ANKK1: variants seen among roughly 807,000 people sequenced by gnomAD.
ANKK1 encodes the protein ankyrin repeat and protein kinase domain-containing protein 1.
Under a neutral mutation model 37.6 loss-of-function variants are expected in ANKK1, and 37 were observed. The ratio of observed to expected loss-of-function variants is 0.98; its 90% CI spans 0.76 to 1.29. ANKK1 has a LOEUF of 1.29. ANKK1 is among the 50% of genes most tolerant of loss of function. ANKK1 has a pLI of 0.00. For missense variants in ANKK1, 1,019 were observed against 990.6 expected, an observed-to-expected ratio of 1.03 and a Z score of -0.39; for synonymous variants, 415 against 418.7, an observed-to-expected ratio of 0.99 and a Z score of 0.11.
In ANKK1 at chr11:113,393,701, A is replaced by G. The variant is rs534336933; in HGVS notation, c.406A>G (p.Ser136Gly). 3.1e-6 allele frequency: 5 copies of G among 1,613,900 alleles called. No individual in the cohort carries two copies. The highest frequency in any genetic ancestry group is 4.5e-5 in the East Asian group (2 of 44,888). ...ETSLAMNFLHSIKPPLLHLDL... is the reference protein window; with the variant it reads ...ETSLAMNFLHGIKPPLLHLDL... Reference sequence around the variant, plus strand: ...CAGCTTGGCCATGAACTTCCTGCACAGCATTAAGCCGCCTCTGCTCCACCT... The same window carrying G: ...CAGCTTGGCCATGAACTTCCTGCACGGCATTAAGCCGCCTCTGCTCCACCT... Residue 136 changes from serine to glycine, a missense_variant, in exon 2 of 8, where the codon AGC becomes GGC. Physicochemically the swap from Ser to Gly is moderately conservative, Grantham distance 56. Coordinates refer to ENST00000303941, the MANE Select transcript of ANKK1 (RefSeq NM_178510.2).
chr11:113,387,996 C>G lies in ANKK1; in HGVS notation c.112C>G (p.Gln38Glu). The change falls in exon 1 of 8, where the codon CAG becomes GAG. Residue 38 changes from glutamine (Q) to glutamate (E), a missense_variant. Coordinates refer to ENST00000303941, the MANE Select transcript of ANKK1 (RefSeq NM_178510.2). The part of the protein sequence containing the change: ...VASGGFSQVF[Q>E]ARHRRWRTEY... ...CAGCGGCGGCTTCAGCCAGGTGTTCCAGGCGCGGCACAGGCGCTGGCGGAC... is the reference window on the plus strand; with the variant it reads ...CAGCGGCGGCTTCAGCCAGGTGTTCGAGGCGCGGCACAGGCGCTGGCGGAC... The G allele has an allele frequency of 1.3e-6, 2 of 1,570,772 alleles. No homozygotes were observed. Among genetic ancestry groups the G allele is most frequent in the Non-Finnish European group, 1.7e-6 (2 of 1,164,032 alleles).
chr11:113,395,175 C>T lies in ANKK1; in HGVS notation c.632+95C>T, dbSNP rs546909611. ...CTATGGCCCAAAGGGCAGGGCAGTGCGGGCATGAGGTCTGGCCCAAGGCGG... is the reference window on the plus strand; with the variant it reads ...CTATGGCCCAAAGGGCAGGGCAGTGTGGGCATGAGGTCTGGCCCAAGGCGG... On this transcript the variant is annotated intron_variant, in intron 3 of 7. Coordinates refer to ENST00000303941, the MANE Select transcript of ANKK1 (RefSeq NM_178510.2). 7.8e-4 allele frequency: 1,175 copies of T among 1,509,820 alleles called. 1 individual carries two copies. Among genetic ancestry groups the T allele is most frequent in the Non-Finnish European group, 9.8e-4 (1,099 of 1,120,788 alleles). The allele number at this position is 1,509,820 out of a possible 1,614,324, so 93.5% of individuals were successfully genotyped here.
chr11:113,399,130 CGTG>C lies in ANKK1; in HGVS notation c.1163_1165del (p.Val388del). On this transcript the variant is annotated inframe_deletion, in exon 8 of 8. Transcript: ENST00000303941. ...GGTTGCTGCTGGCCCACGAGGTAGA[CGTG>C]GACTGCCAGACGGCCTCTGGATACA... The C allele has an allele frequency of 1.3e-6, 2 of 1,594,260 alleles. No individual in the cohort carries two copies. Among genetic ancestry groups the C allele is most frequent in the Non-Finnish European group, 1.7e-6 (2 of 1,170,630 alleles).
In ANKK1 at chr11:113,398,036, G is replaced by A. The variant is rs922215283; in HGVS notation, c.994+20G>A. The A allele has an allele frequency of 5.1e-5, 80 of 1,563,320 alleles. No homozygotes were observed. The highest frequency in any genetic ancestry group is 6.8e-5 in the Non-Finnish European group (78 of 1,153,700). On this transcript the variant is annotated intron_variant, in intron 7 of 7. Coordinates refer to ENST00000303941, the MANE Select transcript of ANKK1 (RefSeq NM_178510.2). ...ACAGTGGTGAGTCTGGGTGCCACGGGCGGGACCAGAGAACTCACAGCAGAG... is the reference window on the plus strand; with the variant it reads ...ACAGTGGTGAGTCTGGGTGCCACGGACGGGACCAGAGAACTCACAGCAGAG...
intron 6 of ANKK1, 52 bp from the exon 7 acceptor site, chr11:113,397,928 G>T (rs1222739169): frequency 3.2e-6 from 5 of 1,545,454 alleles, no homozygotes; most frequent in African/African-American, 1.4e-5. Context: ...GAGGGCACAG[G>T]CTAGAACTGC....
chr11:113,388,096 C>T (rs1275288883), intron 1 of ANKK1, 27 bp downstream of exon 1: 1 of 1,447,338 alleles, frequency 6.9e-7, no homozygotes, highest in Non-Finnish European at 9.1e-7. Context: ...CCTCCCCTTT[C>T]TCGGAGGAGA....
At position 113,393,524 on chromosome 11, in the gene ANKK1, A is replaced by G; in HGVS notation, c.229A>G (p.Lys77Glu). ...CATTGAAGAAGCTGCCAAAATGAAG[A>G]AGATCAAGTTTCAGCACATCGTGTC... ...YLIEEAAKMKKIKFQHIVSIY... is the reference protein window; with the variant it reads ...YLIEEAAKMKEIKFQHIVSIY... Residue 77 changes from lysine (K) to glutamate (E), a missense_variant, in exon 2 of 8, where the codon AAG becomes GAG. Coordinates refer to ENST00000303941, the MANE Select transcript of ANKK1 (RefSeq NM_178510.2). The G allele has an allele frequency of 6.2e-7, 1 of 1,613,916 alleles. No individual in the cohort carries two copies. Among genetic ancestry groups the G allele is most frequent in the Non-Finnish European group, 8.5e-7 (1 of 1,179,828 alleles).
chr11:113,392,612 C>G (rs1400248972), intron 1 of ANKK1, among the ~76,000 whole-genome samples: 1 of 152,222 alleles, frequency 6.6e-6, no homozygotes, highest in Non-Finnish European at 1.5e-5. Context: ...TAATCTATAA[C>G]AATTTTCATA....
intron 3 of ANKK1, 99 bp downstream of exon 3, chr11:113,395,179 C>A: frequency 6.6e-7 from 1 of 1,509,726 alleles, no homozygotes. Context: ...GCAGTGCGGG[C>A]ATGAGGTCTG....
At chr11:113,395,961 C>G in intron 4 of ANKK1, 106 bp from the exon 5 acceptor site, 2 of 1,313,240 alleles carry the variant, frequency 1.5e-6, no homozygotes, top group Admixed American at 2.0e-5. Flanking sequence ...GTGGAGCCCC[C>G]ACTGCGTGCA....
At chr11:113,390,278 A>G (rs998922800) in intron 1 of ANKK1, among the ~76,000 whole-genome samples, 1 of 152,252 alleles carries the variant, frequency 6.6e-6, no homozygotes, top group African/African-American at 2.4e-5. Context: ...TGGAGAGACT[A>G]TGAAAAGAGG....
intron 4 of ANKK1, 104 bp from the exon 5 acceptor site, chr11:113,395,963 C>T (rs1950634285): frequency 2.9e-6 from 4 of 1,356,064 alleles, no homozygotes; most frequent in Non-Finnish European, 3.1e-6. Flanking sequence ...GGAGCCCCCA[C>T]TGCGTGCATG....
intron 2 of ANKK1, 165 bp from the exon 3 acceptor site, chr11:113,394,764 G>A (rs749542760): frequency 1.1e-6 from 1 of 915,976 alleles, no homozygotes; most frequent in Non-Finnish European, 1.7e-6. Flanking sequence ...TAAGTAATTT[G>A]GCCAAGACCA....
chr11:113,396,377 T>C (rs867120668), intron 5 of ANKK1, among the ~76,000 whole-genome samples, 155 bp downstream of exon 5: 2 of 150,128 alleles, frequency 1.3e-5, no homozygotes, highest in Non-Finnish European at 3.0e-5. Context: ...ACGGTCTCTC[T>C]GGTCCAGGCT....
At chr11:113,395,450 C>T (rs1478457245) in intron 4 of ANKK1, 42 bp downstream of exon 4, 3 of 1,605,342 alleles carry the variant, frequency 1.9e-6, no homozygotes, top group Non-Finnish European at 2.6e-6. Flanking sequence ...GCAGGAGGAC[C>T]CCTGGGATGG....
chr11:113,399,491 A>T lies in ANKK1; in HGVS notation c.1522A>T (p.Ser508Cys). The T allele has an allele frequency of 6.3e-7, 1 of 1,591,542 alleles. No homozygotes were observed. The highest frequency in any genetic ancestry group is 8.6e-7 in the Non-Finnish European group (1 of 1,169,518). ...LHVAAYFGHVSLVKLLTSQGA... is the reference protein window; with the variant it reads ...LHVAAYFGHVCLVKLLTSQGA... ...TGTGGCCGCCTACTTTGGCCATGTT[A>T]GCCTGGTCAAGCTGCTGACCAGCCA... Residue 508 changes from serine (S) to cysteine (C), a missense_variant, in exon 8 of 8, where the codon AGC (serine) becomes TGC (cysteine). Ser to Cys is a moderately radical substitution (Grantham distance 112). Transcript: ENST00000303941.
At position 113,399,432 on chromosome 11, in the gene ANKK1, A is replaced by G. The variant is rs1466371740; in HGVS notation, c.1463A>G (p.Asn488Ser). ...CTGGTCTCCCGTCAGGCTGACCCCA[A>G]CCTGCATGAGGCTGAGGGCAAGACC... is the stretch of plus-strand genomic sequence containing the variant. ...RLLVSRQADP[N>S]LHEAEGKTPL... is the part of the protein sequence containing the mutation. The change falls in exon 8 of 8, where the codon AAC (asparagine) becomes AGC (serine). Residue 488 changes from asparagine to serine, a missense_variant. By Grantham distance (46) the Asn-to-Ser change is conservative (BLOSUM62 1). Transcript: ENST00000303941. 1.0e-5 allele frequency: 16 copies of G among 1,599,666 alleles called. No individual in the cohort carries two copies. Among genetic ancestry groups the G allele is most frequent in the Non-Finnish European group, 1.4e-5 (16 of 1,173,656 alleles).
chr11:113,398,676 G>A (rs1465478594), intron 7 of ANKK1, among the ~76,000 whole-genome samples: 1 of 152,142 alleles, frequency 6.6e-6, no homozygotes, highest in Non-Finnish European at 1.5e-5. Context: ...AAGGTCGGGG[G>A]ATGCTGAGGA....
chr11:113,390,735 CA>C (rs202164619), intron 1 of ANKK1, among the ~76,000 whole-genome samples: 153 of 84,228 alleles, frequency 1.8e-3, no homozygotes, highest in East Asian at 7.4e-3. Flanking sequence ...GACTTGGTCT[CA>C]AAAAAAAAAA....
Sources: gnomAD v4.1 joint callset for allele counts (sites outside exome capture counted in the v4.1 genomes callset) on GRCh38, gnomAD v4.1.1 for gene constraint, MANE v1.5 for transcripts, NCBI Gene and HGNC (gene_info 2026-07-23, HGNC 2026-07-21) for gene names.